Variants in SLC2A9 observed in about 807,000 individuals in gnomAD.
SLC2A9 encodes the protein solute carrier family 2 member 9, also known as solute carrier family 2, facilitated glucose transporter member 9.
Under a neutral mutation model 50.6 loss-of-function variants are expected in SLC2A9, and 39 were observed. That is an observed-to-expected ratio of 0.77 (90% CI 0.60 to 1.01). The LOEUF (loss-of-function observed/expected upper bound fraction) is 1.01. SLC2A9 is among the 50% of genes least tolerant of loss of function. SLC2A9 has a pLI of 0.00. For missense variants in SLC2A9, 686 were observed against 677.6 expected (o/e 1.01, Z -0.14); for synonymous variants, 324 against 276.9 (o/e 1.17, Z -1.69).
chr4:9,918,816 G>A (rs1457140365), intron 7 of SLC2A9, among the ~76,000 whole-genome samples: 5 of 152,158 alleles, frequency 3.3e-5, no homozygotes, highest in African/African-American at 9.7e-5. Flanking sequence ...GGTAAAGCAC[G>A]CTCAGCTGGA....
chr4:9,956,413 G>A (rs1316334286), intron 5 of SLC2A9, among the ~76,000 whole-genome samples: 1 of 152,024 alleles, frequency 6.6e-6, no homozygotes, highest in Non-Finnish European at 1.5e-5. Flanking sequence ...CTGGGAGGTA[G>A]AGCTTGCAGT....
intron 8 of SLC2A9, among the ~76,000 whole-genome samples, chr4:9,906,557 T>C (rs1435956015): frequency 6.6e-6 from 1 of 152,232 alleles, no homozygotes; most frequent in Non-Finnish European, 1.5e-5. Context: ...GTAAGAAATA[T>C]ACATCTATGC....
intron 3 of SLC2A9, among the ~76,000 whole-genome samples, chr4:9,787,125 G>A (rs536497930): frequency 1.3e-5 from 2 of 152,282 alleles, no homozygotes; most frequent in African/African-American, 2.4e-5. Context: ...TCTGAGCAAT[G>A]GGCACATGAA....
intron 6 of SLC2A9, among the ~76,000 whole-genome samples, chr4:9,940,145 G>C (rs1336480841): frequency 6.6e-6 from 1 of 152,220 alleles, no homozygotes; most frequent in Non-Finnish European, 1.5e-5. Context: ...CAGGCTAGTA[G>C]AGACAGAGCT....
intron 3 of SLC2A9, among the ~76,000 whole-genome samples, chr4:9,793,682 T>C (rs1331748345): frequency 1.3e-5 from 2 of 152,190 alleles, no homozygotes; most frequent in East Asian, 3.8e-4. Flanking sequence ...AGGCCTGTTT[T>C]TTGTTTGGTT....
intron 10 of SLC2A9, among the ~76,000 whole-genome samples, chr4:9,863,127 C>T (rs1056306452): frequency 6.6e-6 from 1 of 151,856 alleles, no homozygotes; most frequent in South Asian, 2.1e-4. Context: ...AGTGTAGTAC[C>T]TGATACATAG....
At chr4:9,943,731 G>A (rs141464777) in intron 5 of SLC2A9, among the ~76,000 whole-genome samples, 22 of 152,266 alleles carry the variant, frequency 1.4e-4, no homozygotes, top group African/African-American at 4.8e-4. Context: ...TTTTCGCTAG[G>A]CCTGTGTGTG....
intron 5 of SLC2A9, among the ~76,000 whole-genome samples, chr4:9,956,168 C>A (rs1295668447): frequency 7.0e-6 from 1 of 142,326 alleles, no homozygotes; most frequent in African/African-American, 3.1e-5. Context: ...CGTGATCCAC[C>A]CAGTGAGCAT....
intron 6 of SLC2A9, among the ~76,000 whole-genome samples, chr4:9,933,612 G>C (rs549162123): frequency 3.9e-4 from 59 of 152,298 alleles, no homozygotes; most frequent in Admixed American, 9.2e-4. Flanking sequence ...GACTTTAGGG[G>C]GGTGAGGACT....
intron 10 of SLC2A9, among the ~76,000 whole-genome samples, chr4:9,847,420 A>G (rs1406710845): frequency 6.6e-6 from 1 of 152,202 alleles, no homozygotes; most frequent in Non-Finnish European, 1.5e-5. Context: ...ATCACCTCCA[A>G]CCAGGTCCCT....
chr4:9,873,074 C>T (rs1047762559), intron 10 of SLC2A9, among the ~76,000 whole-genome samples: 2 of 152,176 alleles, frequency 1.3e-5, no homozygotes, highest in African/African-American at 4.8e-5. Context: ...TGCACCATAG[C>T]AATTTGTGTC....
At chr4:9,870,476 C>T (rs1560215640) in intron 10 of SLC2A9, among the ~76,000 whole-genome samples, 1 of 152,226 alleles carries the variant, frequency 6.6e-6, no homozygotes. Flanking sequence ...GTTGAAAACC[C>T]CAGCATACGC....
At chr4:10,025,903 C>T (rs760093063), upstream of SLC2A9, 5 of 1,613,954 alleles carry the variant, frequency 3.1e-6, no homozygotes, top group East Asian at 1.1e-4. Flanking sequence ...AAAGGACTGA[C>T]CAATTTCTTT....
At chr4:9,871,141 C>T (rs146628076) in intron 10 of SLC2A9, among the ~76,000 whole-genome samples, 117 of 152,206 alleles carry the variant, frequency 7.7e-4, no homozygotes, top group African/African-American at 2.6e-3. Context: ...GCAGAAAGTG[C>T]ACCATAACCT....
At chr4:9,821,394 G>A (rs1156729830), downstream of SLC2A9, among the ~76,000 whole-genome samples, 1 of 151,998 alleles carries the variant, frequency 6.6e-6, no homozygotes, top group East Asian at 1.9e-4. Context: ...AACTAACACA[G>A]GAACAGAAAA....
In SLC2A9 at chr4:9,894,737, T is replaced by C. The variant is rs368613205; in HGVS notation, c.1114-4026A>G. ...GCTGAAAATGAAGGTTGTTCATAAC[T>C]GGAATATGCAGGAACTCTGTCTCCT... On this transcript the variant is annotated intron_variant, in intron 8 of 11. Coordinates refer to ENST00000264784, the MANE Select transcript of SLC2A9 (RefSeq NM_020041.3). Among the ~76,000 whole-genome samples, 17 of 152,322 alleles carry C rather than the reference T, an allele frequency of 1.1e-4. No individual in the cohort carries two copies. The East Asian group carries it at 2.5e-3, about 22-fold the overall frequency.
At chr4:9,848,378 A>G (rs1302958841) in intron 10 of SLC2A9, among the ~76,000 whole-genome samples, 2 of 151,512 alleles carry the variant, frequency 1.3e-5, no homozygotes, top group Non-Finnish European at 2.9e-5. Flanking sequence ...AAAAAATGGA[A>G]AGGAGACTTC....
intron 10 of SLC2A9, among the ~76,000 whole-genome samples, chr4:9,855,173 T>A (rs919457261): frequency 6.6e-6 from 1 of 152,200 alleles, no homozygotes. Flanking sequence ...TCAAACTATC[T>A]CTGTTTGCAG....
At chr4:9,958,861 C>T (rs1018889620) in intron 5 of SLC2A9, among the ~76,000 whole-genome samples, 1 of 142,886 alleles carries the variant, frequency 7.0e-6, no homozygotes, top group African/African-American at 2.8e-5. Context: ...AAATTTATTA[C>T]CAGGTGTTTA....
Sources: allele counts gnomAD v4.1 joint callset (sites outside exome capture counted in the v4.1 genomes callset), GRCh38; gene constraint gnomAD v4.1.1; transcripts MANE v1.5; gene names NCBI Gene and HGNC (gene_info 2026-07-23, HGNC 2026-07-21).